The following RBPMS variants were observed in gnomAD, a reference collection of about 807,000 sequenced individuals.
The protein encoded by RBPMS is RNA binding protein, mRNA processing factor.
Under a neutral mutation model 26.8 loss-of-function variants are expected in RBPMS, and 7 were observed. That is an observed-to-expected ratio of 0.26 (90% CI 0.15 to 0.49). The LOEUF is 0.49. Ranked by LOEUF, RBPMS falls within the 20% of genes least tolerant of loss-of-function variation. The probability of loss-of-function intolerance (pLI) is 0.98; values close to 1 mark genes in which losing one functional copy is unlikely to be tolerated. For synonymous variants in RBPMS, 96 were observed against 93.3 expected (o/e 1.03, Z -0.17); for missense variants, 186 against 250.0 (o/e 0.74, Z 1.73).
intron 4 of RBPMS, among the ~76,000 whole-genome samples, chr8:30,501,566 G>C (rs980492738): frequency 2.0e-5 from 3 of 152,150 alleles, no homozygotes; most frequent in African/African-American, 4.8e-5. Context: ...TAGCCAGTCA[G>C]ATTGGGGTGC....
intron 1 of RBPMS, among the ~76,000 whole-genome samples, chr8:30,460,633 A>G (rs1023957507): frequency 6.6e-6 from 1 of 152,236 alleles, no homozygotes; most frequent in Non-Finnish European, 1.5e-5. Context: ...AAAGGAGACT[A>G]TAGCTAAGAT....
intron 1 of RBPMS, among the ~76,000 whole-genome samples, chr8:30,420,852 A>T (rs1264788231): frequency 3.3e-5 from 5 of 152,194 alleles, no homozygotes; most frequent in Non-Finnish European, 7.3e-5. Context: ...TTCAGAGTTG[A>T]AGGGTCATCA....
intron 1 of RBPMS, among the ~76,000 whole-genome samples, chr8:30,420,050 C>T (rs1585401696): frequency 2.6e-5 from 4 of 152,090 alleles, no homozygotes; most frequent in Admixed American, 2.6e-4. Context: ...CATGGCAAGA[C>T]CTTGTCTCAA....
At chr8:30,419,450 A>ATATGTGTG (rs1554509328) in intron 1 of RBPMS, among the ~76,000 whole-genome samples, 3,282 of 143,260 alleles carry the variant, frequency 0.023, 149 homozygotes, top group African/African-American at 0.08. Flanking sequence ...CATCTCAAAA[A>ATATGTGTG]TGTGTGTGTG....
intron 4 of RBPMS, among the ~76,000 whole-genome samples, chr8:30,498,236 A>G (rs752431746): frequency 7.9e-5 from 12 of 152,094 alleles, no homozygotes; most frequent in Non-Finnish European, 1.5e-4. Context: ...TGTATCCCAG[A>G]GGAGGTAGAG....
At chr8:30,451,147 C>G (rs1278322435) in intron 1 of RBPMS, among the ~76,000 whole-genome samples, 2 of 152,138 alleles carry the variant, frequency 1.3e-5, no homozygotes, top group Non-Finnish European at 2.9e-5. Flanking sequence ...GTAACTGGCT[C>G]TGTAGTAGAA....
At chr8:30,511,679 C>G (rs1821733442) in intron 5 of RBPMS, among the ~76,000 whole-genome samples, 1 of 149,950 alleles carries the variant, frequency 6.7e-6, no homozygotes, top group African/African-American at 2.5e-5. Context: ...AAAAAATTAG[C>G]TGGGCATGAT....
chr8:30,456,790 G>A (rs568279278), intron 1 of RBPMS, among the ~76,000 whole-genome samples: 2 of 152,278 alleles, frequency 1.3e-5, no homozygotes, highest in Non-Finnish European at 2.9e-5. Context: ...GCATGGTGGC[G>A]TGCGCCTGTA....
chr8:30,497,130 C>A (rs1051425901), intron 4 of RBPMS, among the ~76,000 whole-genome samples: 53 of 152,194 alleles, frequency 3.5e-4, no homozygotes, highest in African/African-American at 1.3e-3. Context: ...ATATTCCTAA[C>A]TTATGTTTTT....
chr8:30,482,302 G>T (rs543571497), intron 4 of RBPMS, among the ~76,000 whole-genome samples: 2 of 152,282 alleles, frequency 1.3e-5, no homozygotes, highest in Admixed American at 6.5e-5. Flanking sequence ...CCTTTGGAGA[G>T]AGAATTCAAT....
At chr8:30,446,501 T>C (rs988339889) in intron 1 of RBPMS, among the ~76,000 whole-genome samples, 2 of 152,184 alleles carry the variant, frequency 1.3e-5, no homozygotes, top group Non-Finnish European at 2.9e-5. Context: ...TCCCTAATAG[T>C]GCGTGTATGT....
intron 4 of RBPMS, among the ~76,000 whole-genome samples, chr8:30,492,459 T>TA (rs58283942): frequency 0.19 from 29,148 of 150,036 alleles, 3,111 homozygotes; most frequent in South Asian, 0.39. Flanking sequence ...CCCTTTGACT[T>TA]AAAAAAAAAA....
intron 1 of RBPMS, among the ~76,000 whole-genome samples, chr8:30,467,404 C>T (rs1383375027): frequency 1.3e-5 from 2 of 152,144 alleles, no homozygotes; most frequent in Non-Finnish European, 2.9e-5. Context: ...TTAAAACACC[C>T]TAGCTGTATG....
chr8:30,392,161 G>A (rs1034265573), intron 1 of RBPMS, among the ~76,000 whole-genome samples: 2 of 152,094 alleles, frequency 1.3e-5, no homozygotes, highest in Admixed American at 6.5e-5. Flanking sequence ...TAGTTGAGTT[G>A]AGCACAGCCA....
chr8:30,429,941 C>G (rs958774761), intron 1 of RBPMS, among the ~76,000 whole-genome samples: 1 of 152,130 alleles, frequency 6.6e-6, no homozygotes, highest in African/African-American at 2.4e-5. Context: ...TGATTATAGC[C>G]ATATAGTTAC....
chr8:30,450,416 A>G (rs1814424662), intron 1 of RBPMS, among the ~76,000 whole-genome samples: 1 of 152,188 alleles, frequency 6.6e-6, no homozygotes, highest in Non-Finnish European at 1.5e-5. Flanking sequence ...TCAGCCCAGT[A>G]TCTGTTTGCT....
chr8:30,486,533 T>A (rs1818806363), intron 4 of RBPMS, among the ~76,000 whole-genome samples: 1 of 151,458 alleles, frequency 6.6e-6, no homozygotes. Flanking sequence ...CTTGGGAGGC[T>A]GAGGCAGGAG....
At chr8:30,419,228 C>T (rs1366415871) in intron 1 of RBPMS, among the ~76,000 whole-genome samples, 1 of 152,112 alleles carries the variant, frequency 6.6e-6, no homozygotes, top group Non-Finnish European at 1.5e-5. Context: ...GGTGGATTAC[C>T]TGAGGTTGGG....
At chr8:30,390,622 T>G (rs1170835252) in intron 1 of RBPMS, among the ~76,000 whole-genome samples, 1 of 152,236 alleles carries the variant, frequency 6.6e-6, no homozygotes, top group Non-Finnish European at 1.5e-5. Flanking sequence ...ATTCAAGTTT[T>G]TCAGCCTACA....
Sources: allele counts gnomAD v4.1 joint callset (sites outside exome capture counted in the v4.1 genomes callset), GRCh38; gene constraint gnomAD v4.1.1; transcripts MANE v1.5; gene names NCBI Gene and HGNC (gene_info 2026-07-23, HGNC 2026-07-21).